Variants in ATXN1 observed in about 807,000 individuals in gnomAD.
The protein encoded by ATXN1 is ataxin-1.
In ATXN1, 8 loss-of-function variants were observed where a neutral mutation model predicts 56.4. The ratio of observed to expected loss-of-function variants is 0.14; its 90% CI spans 0.08 to 0.26. The LOEUF (loss-of-function observed/expected upper bound fraction) is 0.26. Among genes scored for constraint, ATXN1 ranks in the 10% least tolerant of loss-of-function variants. The pLI is 1.00. For missense variants in ATXN1, 987 were observed against 1,106.5 expected (o/e 0.89, Z 1.53); for synonymous variants, 514 against 494.6 (o/e 1.04, Z -0.52).
chr6:16,468,513 G>T (rs547440073), intron 6 of ATXN1, among the ~76,000 whole-genome samples: 157 of 152,214 alleles, frequency 1.0e-3, no homozygotes, highest in African/African-American at 3.7e-3. Context: ...CCTTATAAAG[G>T]GAAGTACCAT....
At chr6:16,584,532 A>G (rs1331866349) in intron 4 of ATXN1, among the ~76,000 whole-genome samples, 1 of 152,014 alleles carries the variant, frequency 6.6e-6, no homozygotes, top group Non-Finnish European at 1.5e-5. Flanking sequence ...TCTGGATTTA[A>G]TATTATTTCT....
chr6:16,314,418 T>A (rs1213680339), intron 7 of ATXN1, among the ~76,000 whole-genome samples: 1 of 152,174 alleles, frequency 6.6e-6, no homozygotes, highest in Non-Finnish European at 1.5e-5. Context: ...TTGCTTGAAA[T>A]TCCCTTGGAG....
chr6:16,525,788 T>TA (rs1372274450), intron 4 of ATXN1, among the ~76,000 whole-genome samples: 2 of 151,522 alleles, frequency 1.3e-5, no homozygotes, highest in African/African-American at 4.9e-5. Context: ...TATACACACC[T>TA]ATGTACCCAC....
chr6:16,406,286 T>C (rs1581741248), intron 6 of ATXN1, among the ~76,000 whole-genome samples: 1 of 152,170 alleles, frequency 6.6e-6, no homozygotes, highest in South Asian at 2.1e-4. Context: ...GAACCCAAGT[T>C]AAATAATTTT....
chr6:16,736,293 G>T (rs1301040848), intron 2 of ATXN1, among the ~76,000 whole-genome samples: 1 of 152,122 alleles, frequency 6.6e-6, no homozygotes, highest in East Asian at 1.9e-4. Flanking sequence ...AAATATATAC[G>T]TTCTGAAAGA....
At chr6:16,369,468 A>G (rs1272970479) in intron 6 of ATXN1, among the ~76,000 whole-genome samples, 2 of 152,242 alleles carry the variant, frequency 1.3e-5, no homozygotes, top group African/African-American at 4.8e-5. Context: ...CAGATAAAGA[A>G]ATACGCTACA....
At chr6:16,344,903 C>G (rs1356169313) in intron 6 of ATXN1, among the ~76,000 whole-genome samples, 2 of 152,224 alleles carry the variant, frequency 1.3e-5, no homozygotes, top group African/African-American at 4.8e-5. Context: ...AAACTCTCAG[C>G]AAAGCCACTT....
intron 6 of ATXN1, among the ~76,000 whole-genome samples, chr6:16,474,995 C>A (rs954281125): frequency 1.3e-5 from 2 of 152,144 alleles, no homozygotes; most frequent in Non-Finnish European, 2.9e-5. Flanking sequence ...CACCTAGACA[C>A]GGTAACCACA....
At chr6:16,702,923 C>A (rs563318639) in intron 2 of ATXN1, among the ~76,000 whole-genome samples, 27 of 152,218 alleles carry the variant, frequency 1.8e-4, no homozygotes, top group Non-Finnish European at 2.5e-4. Context: ...GTCAGTGTGG[C>A]GATTCCTCAG....
chr6:16,643,065 T>C (rs1194688198), intron 3 of ATXN1, among the ~76,000 whole-genome samples: 1 of 151,312 alleles, frequency 6.6e-6, no homozygotes, highest in Non-Finnish European at 1.5e-5. Context: ...GGGTCAGGAG[T>C]TCGAGACCAG....
At chr6:16,670,213 T>C (rs564148257) in intron 2 of ATXN1, among the ~76,000 whole-genome samples, 10 of 152,318 alleles carry the variant, frequency 6.6e-5, no homozygotes, top group African/African-American at 2.4e-4. Context: ...ACTTGAATCC[T>C]TCCCTTTCTG....
intron 2 of ATXN1, among the ~76,000 whole-genome samples, chr6:16,722,087 C>T (rs1759756821): frequency 6.6e-6 from 1 of 152,194 alleles, no homozygotes; most frequent in Admixed American, 6.5e-5. Context: ...AGCCAGCCTA[C>T]ACAATTAGGC....
intron 2 of ATXN1, among the ~76,000 whole-genome samples, chr6:16,680,402 T>A (rs1758789782): frequency 6.6e-6 from 1 of 152,194 alleles, no homozygotes; most frequent in African/African-American, 2.4e-5. Context: ...TGTGCTGAGT[T>A]CCAAAGCAAA....
At chr6:16,461,896 C>G (rs2113627294) in intron 6 of ATXN1, among the ~76,000 whole-genome samples, 1 of 152,214 alleles carries the variant, frequency 6.6e-6, no homozygotes, top group South Asian at 2.1e-4. Context: ...GGCCTACTCT[C>G]TTGCCCATGG....
rs980517935 is a variant in ATXN1, at chr6:16,306,064, C to T, written c.*265G>A. ...AGAGAAGGCAGGCACTGTGAAGCCC[C>T]GTTCCTTTCTTCCCCGGGGATGCCT... On this transcript the variant is annotated 3_prime_UTR_variant, in exon 8 of 8. Coordinates refer to ENST00000436367, the MANE Select transcript of ATXN1 (RefSeq NM_001128164.2). This position sits in a 1 kb window ranked among gnomAD's most constrained non-coding sequence, Gnocchi z 5.2. 4 of 352,326 alleles carry T rather than the reference C, an allele frequency of 1.1e-5. No homozygotes were observed. The highest frequency in any genetic ancestry group is 5.3e-6 in the Non-Finnish European group (1 of 189,910). The allele number at this position is 352,326 out of a possible 1,614,324, so 21.8% of individuals were successfully genotyped here. A position where few individuals can be genotyped will look rare whatever the true frequency, so the allele number is the denominator to read the frequency against.
chr6:16,607,036 G>A (rs1002460091), intron 3 of ATXN1, among the ~76,000 whole-genome samples: 9 of 152,028 alleles, frequency 5.9e-5, no homozygotes, highest in African/African-American at 1.7e-4. Context: ...ACAGGCATGC[G>A]CCAACATGCC....
intron 3 of ATXN1, among the ~76,000 whole-genome samples, chr6:16,586,536 G>A (rs564735958): frequency 3.3e-5 from 5 of 152,288 alleles, no homozygotes; most frequent in African/African-American, 1.2e-4. Flanking sequence ...CCACTCCACT[G>A]CAGTCTGTGA....
At chr6:16,702,321 T>C (rs1302880630) in intron 2 of ATXN1, among the ~76,000 whole-genome samples, 2 of 152,190 alleles carry the variant, frequency 1.3e-5, no homozygotes, top group South Asian at 2.1e-4. Context: ...TTACACCTTA[T>C]ACAAAAATTA....
intron 2 of ATXN1, among the ~76,000 whole-genome samples, chr6:16,699,548 C>T (rs777924574): frequency 1.3e-5 from 2 of 152,114 alleles, no homozygotes; most frequent in Non-Finnish European, 2.9e-5. Flanking sequence ...TTACCTTTGA[C>T]TCATCAGAGT....
Sources: allele counts gnomAD v4.1 joint callset (sites outside exome capture counted in the v4.1 genomes callset), GRCh38; gene constraint gnomAD v4.1.1; non-coding constraint Gnocchi (gnomAD v3.1); transcripts MANE v1.5; gene names NCBI Gene and HGNC (gene_info 2026-07-23, HGNC 2026-07-21).